Variants in KLHL3 observed in about 807,000 individuals in gnomAD.
KLHL3 encodes the protein kelch like family member 3, also known as kelch-like protein 3.
Under a neutral mutation model 70.5 loss-of-function variants are expected in KLHL3, and 19 were observed. That is an observed-to-expected ratio of 0.27 (90% CI 0.19 to 0.40). KLHL3 has a LOEUF of 0.40. KLHL3 is among the 10% of genes least tolerant of loss of function. KLHL3 has a pLI of 1.00. For synonymous variants in KLHL3, 258 were observed against 290.3 expected, an observed-to-expected ratio of 0.89 and a Z score of 1.13; for missense variants, 512 against 771.1, an observed-to-expected ratio of 0.66 and a Z score of 3.98.
chr5:137,714,678 G>A lies in KLHL3; in HGVS notation c.135-4822C>T, dbSNP rs764904805. ...GGGGATGACTGCTAAAGAATACAGC[G>A]TTTCTATTTAGGGTGATGAAAATAT... is the stretch of plus-strand genomic sequence containing the variant. On this transcript the variant is annotated intron_variant, in intron 2 of 14. Transcript: ENST00000309755. Among the ~76,000 whole-genome samples the A allele has an allele frequency of 7.2e-5, 11 of 152,216 alleles. No individual in the cohort carries two copies. The East Asian group carries it at 1.3e-3, about 19-fold the overall frequency.
intron 3 of KLHL3, 140 bp downstream of exon 3, chr5:137,709,610 C>T: frequency 3.0e-6 from 2 of 675,698 alleles, no homozygotes; most frequent in Non-Finnish European, 5.2e-6. Context: ...GCACAAAGCA[C>T]ACTATCTGGC....
chr5:137,715,389 G>A (rs1289391066), intron 2 of KLHL3, among the ~76,000 whole-genome samples: 2 of 152,186 alleles, frequency 1.3e-5, no homozygotes, highest in Non-Finnish European at 1.5e-5. Flanking sequence ...ATGGCAAGAT[G>A]CTTTAGCCCA....
intron 1 of KLHL3, among the ~76,000 whole-genome samples, chr5:137,728,300 T>G (rs537673830): frequency 6.6e-6 from 1 of 152,206 alleles, no homozygotes; most frequent in African/African-American, 2.4e-5. Context: ...TAGTTGCCTC[T>G]GAATTCTTAG....
intron 10 of KLHL3, 55 bp from the exon 11 acceptor site, chr5:137,637,450 G>T: frequency 6.8e-7 from 1 of 1,473,722 alleles, no homozygotes; most frequent in Non-Finnish European, 9.5e-7. Context: ...ACCCTGCTGT[G>T]TGAGAAGCAG....
intron 1 of KLHL3, among the ~76,000 whole-genome samples, chr5:137,722,632 G>T (rs72800090): frequency 0.017 from 2,600 of 152,084 alleles, 32 homozygotes; most frequent in Middle Eastern, 0.037. Context: ...TCTACTAAAG[G>T]TTTAACATTT....
At chr5:137,715,177 AG>A (rs1277069797) in intron 2 of KLHL3, among the ~76,000 whole-genome samples, 1 of 152,246 alleles carries the variant, frequency 6.6e-6, no homozygotes, top group Non-Finnish European at 1.5e-5. Context: ...AAGGCTTGGC[AG>A]TGACTATGCC....
intron 1 of KLHL3, among the ~76,000 whole-genome samples, chr5:137,723,322 G>C (rs1753033235): frequency 6.6e-6 from 1 of 152,146 alleles, no homozygotes; most frequent in African/African-American, 2.4e-5. Context: ...TGAATTTATA[G>C]ATCAATTTGG....
At chr5:137,654,622 C>T (rs2905579) in intron 8 of KLHL3, among the ~76,000 whole-genome samples, 27,054 of 152,172 alleles carry the variant, frequency 0.18, 2,898 homozygotes, top group East Asian at 0.41. Flanking sequence ...TTAAGAAGCA[C>T]GTTAGACAAC....
chr5:137,721,565 T>C (rs974089430), intron 1 of KLHL3, among the ~76,000 whole-genome samples: 8 of 152,240 alleles, frequency 5.3e-5, no homozygotes, highest in Non-Finnish European at 8.8e-5. Context: ...ATAAGTATTA[T>C]GGAAAGAAAG....
intron 5 of KLHL3, among the ~76,000 whole-genome samples, chr5:137,682,469 C>G (rs1469755666): frequency 6.9e-6 from 1 of 145,134 alleles, no homozygotes; most frequent in African/African-American, 2.5e-5. Flanking sequence ...AAAAACCTTT[C>G]TTTGGGGAAA....
chr5:137,735,555 C>G lies in KLHL3; in HGVS notation c.14+78G>C. ...CAACTCTGCCTAGCCAATGCAAACA[C>G]AAAAGCTGGTGGCTGCACCGCAAGC... On this transcript the variant is annotated intron_variant, in intron 1 of 14. Transcript: ENST00000309755. 3 of 1,171,916 alleles carry G rather than the reference C, an allele frequency of 2.6e-6. No individual in the cohort carries two copies. In the East Asian group the frequency reaches 7.0e-5, roughly 27 times the overall value. The allele number at this position is 1,171,916 out of a possible 1,614,324, so 72.6% of individuals were successfully genotyped here.
chr5:137,705,712 G>C (rs1450561762), intron 3 of KLHL3, among the ~76,000 whole-genome samples: 1 of 152,132 alleles, frequency 6.6e-6, no homozygotes, highest in Non-Finnish European at 1.5e-5. Context: ...CCATAAAATA[G>C]GGGCTGTATC....
chr5:137,628,710 TATAC>T (rs1389683926), intron 12 of KLHL3: 2 of 214,844 alleles, frequency 9.3e-6, no homozygotes, highest in Admixed American at 6.7e-5. Context: ...TATATATATA[TATAC>T]ACACACACAG....
intron 5 of KLHL3, among the ~76,000 whole-genome samples, chr5:137,691,451 G>C (rs1752319739): frequency 6.6e-6 from 1 of 152,148 alleles, no homozygotes; most frequent in South Asian, 2.1e-4. Flanking sequence ...ATATTATTTT[G>C]ATAAATGGAA....
At chr5:137,706,935 A>G (rs1457294867) in intron 3 of KLHL3, among the ~76,000 whole-genome samples, 1 of 152,214 alleles carries the variant, frequency 6.6e-6, no homozygotes, top group African/African-American at 2.4e-5. Context: ...TAAGATGAGT[A>G]GTAATACTAA....
At position 137,639,794 on chromosome 5, in the gene KLHL3, C is replaced by A. The variant is rs147199980; in HGVS notation, c.1021+66G>T. On this transcript the variant is annotated intron_variant, in intron 9 of 14. Coordinates refer to ENST00000309755, the MANE Select transcript of KLHL3 (RefSeq NM_017415.3). This position sits in a 1 kb window ranked among gnomAD's most constrained non-coding sequence, Gnocchi z 5.0. ...GCTTGAGGAAACAAGGAGTAGCTCA[C>A]GACTTCTGGCACGGAGTGGGGACCA... The A allele has an allele frequency of 9.9e-6, 12 of 1,212,376 alleles. No homozygotes were observed. Among genetic ancestry groups the A allele is most frequent in the Non-Finnish European group, 1.3e-5 (11 of 817,030 alleles). The allele number at this position is 1,212,376 out of a possible 1,614,324, so 75.1% of individuals were successfully genotyped here.
chr5:137,658,042 T>A, intron 8 of KLHL3, 89 bp downstream of exon 8: 1 of 1,300,064 alleles, frequency 7.7e-7, no homozygotes, highest in South Asian at 1.4e-5. Context: ...AGGGCAGCCA[T>A]GGGTGAGGAA....
At chr5:137,674,288 G>A (rs1212321208) in intron 6 of KLHL3, among the ~76,000 whole-genome samples, 2 of 151,954 alleles carry the variant, frequency 1.3e-5, no homozygotes, top group African/African-American at 4.8e-5. Flanking sequence ...CTCCAGCAGC[G>A]ACAAGCAGAC....
intron 8 of KLHL3, among the ~76,000 whole-genome samples, chr5:137,641,556 A>G (rs936578752): frequency 6.6e-6 from 1 of 152,178 alleles, no homozygotes. Flanking sequence ...CTTCCCCATG[A>G]TGTATTTTTG....
Sources: allele counts gnomAD v4.1 joint callset (sites outside exome capture counted in the v4.1 genomes callset), GRCh38; gene constraint gnomAD v4.1.1; non-coding constraint Gnocchi (gnomAD v3.1); transcripts MANE v1.5; gene names NCBI Gene and HGNC (gene_info 2026-07-23, HGNC 2026-07-21).